PACS1: variants seen among roughly 807,000 people sequenced by gnomAD.
The protein encoded by PACS1 is phosphofurin acidic cluster sorting protein 1.
PACS1 carries 24 observed loss-of-function variants against 115.0 expected under a neutral mutation model. That is an observed-to-expected ratio of 0.21 (90% CI 0.15 to 0.29). The LOEUF (loss-of-function observed/expected upper bound fraction) is 0.29. Among genes scored for constraint, PACS1 ranks in the 10% least tolerant of loss-of-function variants. The probability of loss-of-function intolerance (pLI) is 1.00; values close to 1 mark genes in which losing one functional copy is unlikely to be tolerated. For missense variants in PACS1, 838 were observed against 1,251.2 expected (o/e 0.67, Z 4.98); for synonymous variants, 453 against 504.5 (o/e 0.90, Z 1.37).
intron 2 of PACS1, among the ~76,000 whole-genome samples, chr11:66,204,252 A>C (rs1447495441): frequency 6.6e-6 from 1 of 152,210 alleles, no homozygotes; most frequent in Non-Finnish European, 1.5e-5. Context: ...ACATCTCTCA[A>C]AAGAAGACCT....
chr11:66,192,207 G>A (rs1854541796), intron 1 of PACS1, among the ~76,000 whole-genome samples: 1 of 152,076 alleles, frequency 6.6e-6, no homozygotes, highest in African/African-American at 2.4e-5. Flanking sequence ...ACAAATATTT[G>A]CTGAGCAACT....
In PACS1 at chr11:66,236,073, A is replaced by C; in HGVS notation, c.2250+133A>C. 1.1e-5 allele frequency: 9 copies of C among 839,144 alleles called. No individual in the cohort carries two copies. Among genetic ancestry groups the C allele is most frequent in the Non-Finnish European group, 1.7e-5 (8 of 481,192 alleles). The allele number at this position is 839,144 out of a possible 1,614,324, so 52.0% of individuals were successfully genotyped here. On this transcript the variant is annotated intron_variant, in intron 19 of 23. Transcript: ENST00000320580. This position sits in a 1 kb window ranked among gnomAD's most constrained non-coding sequence, Gnocchi z 4.2. ...ACTGGAGATTTTGCCTCCAGGGACT[A>C]CCTGGCAGTGTCTGGAGACGTGTTT...
At chr11:66,118,625 A>C (rs761338378) in intron 1 of PACS1, among the ~76,000 whole-genome samples, 6 of 151,278 alleles carry the variant, frequency 4.0e-5, no homozygotes, top group African/African-American at 7.3e-5. Flanking sequence ...AATATAAATA[A>C]ATAAAAAGGA....
chr11:66,190,608 G>A (rs992480646), intron 1 of PACS1, among the ~76,000 whole-genome samples: 4 of 152,016 alleles, frequency 2.6e-5, no homozygotes, highest in South Asian at 2.1e-4. Flanking sequence ...GGCTGGCCTC[G>A]AACTACTGGG....
intron 1 of PACS1, among the ~76,000 whole-genome samples, chr11:66,097,855 G>A (rs1857821107): frequency 6.6e-6 from 1 of 152,100 alleles, no homozygotes; most frequent in African/African-American, 2.4e-5. Context: ...CTTCTTTTGC[G>A]AAGTATCTGT....
chr11:66,088,871 A>C (rs1344989394), intron 1 of PACS1, among the ~76,000 whole-genome samples: 1 of 152,164 alleles, frequency 6.6e-6, no homozygotes, highest in Non-Finnish European at 1.5e-5. Context: ...GAATCTTTTA[A>C]TTCATAGACA....
At chr11:66,071,396 A>T (rs1857308921) in intron 1 of PACS1, among the ~76,000 whole-genome samples, 1 of 151,826 alleles carries the variant, frequency 6.6e-6, no homozygotes, top group African/African-American at 2.4e-5. Flanking sequence ...GCCCTATTTA[A>T]TGTGTCCTCA....
chr11:66,182,638 C>T (rs556143041), intron 1 of PACS1, among the ~76,000 whole-genome samples: 144 of 152,020 alleles, frequency 9.5e-4, no homozygotes, highest in Non-Finnish European at 1.7e-3. Flanking sequence ...GTGCCACCAC[C>T]CTGGGCTAGT....
chr11:66,155,131 C>T (rs1006117327), intron 1 of PACS1, among the ~76,000 whole-genome samples: 1 of 152,176 alleles, frequency 6.6e-6, no homozygotes, highest in Non-Finnish European at 1.5e-5. Flanking sequence ...GCCCAGAAAG[C>T]TCAAAACGGA....
intron 21 of PACS1, 116 bp from the exon 22 acceptor site, chr11:66,241,311 C>A: frequency 1.4e-6 from 1 of 701,474 alleles, no homozygotes; most frequent in Non-Finnish European, 2.4e-6. Flanking sequence ...GGGAACAGAG[C>A]TGCAGCCTTC....
At chr11:66,171,380 C>A (rs1859733747) in intron 1 of PACS1, among the ~76,000 whole-genome samples, 1 of 150,076 alleles carries the variant, frequency 6.7e-6, no homozygotes, top group Admixed American at 6.6e-5. Flanking sequence ...TAATCTATAT[C>A]TTTTACCTTA....
At chr11:66,080,888 T>G (rs915858333) in intron 1 of PACS1, among the ~76,000 whole-genome samples, 1 of 152,108 alleles carries the variant, frequency 6.6e-6, no homozygotes, top group Admixed American at 6.6e-5. Flanking sequence ...CTGGACAAGT[T>G]TTTAACCTCT....
chr11:66,077,928 C>T (rs1857423536), intron 1 of PACS1, among the ~76,000 whole-genome samples: 1 of 152,084 alleles, frequency 6.6e-6, no homozygotes, highest in African/African-American at 2.4e-5. Context: ...TCTCGAACTC[C>T]TGACCTCAGG....
chr11:66,086,787 T>C (rs532822692), intron 1 of PACS1, among the ~76,000 whole-genome samples: 64 of 152,036 alleles, frequency 4.2e-4, no homozygotes, highest in African/African-American at 1.4e-3. Flanking sequence ...GGCCAGTGTT[T>C]TAATTTTTTT....
intron 10 of PACS1, chr11:66,221,515 G>A (rs1855346702): frequency 1.4e-5 from 6 of 429,748 alleles, no homozygotes; most frequent in Non-Finnish European, 2.6e-5. Flanking sequence ...GCGTGATGGT[G>A]TGCACCTGTA....
chr11:66,147,526 CTT>C (rs150854528), intron 1 of PACS1, among the ~76,000 whole-genome samples: 1 of 152,164 alleles, frequency 6.6e-6, no homozygotes, highest in African/African-American at 2.4e-5. Context: ...ACAATGGAAA[CTT>C]GAGTCAATTT....
chr11:66,104,940 G>C (rs1858001632), intron 1 of PACS1, among the ~76,000 whole-genome samples: 1 of 152,128 alleles, frequency 6.6e-6, no homozygotes, highest in Non-Finnish European at 1.5e-5. Flanking sequence ...AGTAATTGTT[G>C]AATAAGTAAG....
chr11:66,120,113 A>G (rs1262855975), intron 1 of PACS1, among the ~76,000 whole-genome samples: 1 of 150,818 alleles, frequency 6.6e-6, no homozygotes, highest in African/African-American at 2.4e-5. Flanking sequence ...TAGGTATTTA[A>G]TCTACTATAA....
At chr11:66,175,515 G>A (rs1321700888) in intron 1 of PACS1, among the ~76,000 whole-genome samples, 1 of 152,106 alleles carries the variant, frequency 6.6e-6, no homozygotes, top group Non-Finnish European at 1.5e-5. Flanking sequence ...TTAGATTTCA[G>A]CTCTAACTTC....
Sources: gnomAD v4.1 joint callset for allele counts (sites outside exome capture counted in the v4.1 genomes callset) on GRCh38, gnomAD v4.1.1 for gene constraint, Gnocchi (gnomAD v3.1) non-coding constraint, MANE v1.5 for transcripts, NCBI Gene and HGNC (gene_info 2026-07-23, HGNC 2026-07-21) for gene names.